The following TRPC5 variants were observed in gnomAD, a reference collection of about 807,000 sequenced individuals.
TRPC5 encodes short transient receptor potential channel 5.
Under a neutral mutation model 56.5 loss-of-function variants are expected in TRPC5, and 9 were observed. The observed-to-expected ratio is 0.16, with a 90% CI of 0.10 to 0.28. The LOEUF (loss-of-function observed/expected upper bound fraction) is 0.28, where lower values mean the gene tolerates loss of function less well. TRPC5 is among the 10% of genes least tolerant of loss of function. The pLI is 1.00. For synonymous variants in TRPC5, 282 were observed against 278.5 expected (o/e 1.01, Z -0.13); for missense variants, 469 against 748.9 (o/e 0.63, Z 4.36).
At chrX:111,882,447 G>A (rs969608522) in intron 3 of TRPC5, among the ~76,000 whole-genome samples, 1 of 112,370 alleles carries the variant, frequency 8.9e-6, no homozygotes, top group African/African-American at 3.2e-5. Flanking sequence ...GGAGCTGAGG[G>A]CTAGAGGTAG....
intron 7 of TRPC5, among the ~76,000 whole-genome samples, chrX:111,829,605 C>A (rs73266316): frequency 8.9e-6 from 1 of 112,021 alleles, no homozygotes; most frequent in Non-Finnish European, 1.9e-5. Context: ...GTTTTCCAGC[C>A]GATCTAGCCA....
chrX:111,955,714 C>A (rs1176958531), intron 1 of TRPC5, among the ~76,000 whole-genome samples: 1 of 111,748 alleles, frequency 8.9e-6, no homozygotes, highest in Non-Finnish European at 1.9e-5. Context: ...TCTCTGCATG[C>A]TTGCTGTTAG....
At chrX:111,851,960 G>T (rs1202584688) in intron 5 of TRPC5, among the ~76,000 whole-genome samples, 4 of 112,124 alleles carry the variant, frequency 3.6e-5, no homozygotes, top group Non-Finnish European at 7.5e-5. Flanking sequence ...AGTGAATTCA[G>T]TGAATTTTCT....
intron 7 of TRPC5, among the ~76,000 whole-genome samples, chrX:111,786,441 G>A (rs1222003364): frequency 9.0e-6 from 1 of 111,470 alleles, no homozygotes; most frequent in African/African-American, 3.3e-5. Flanking sequence ...GAAACAACCG[G>A]TACTAGCCAC....
chrX:112,014,508 C>A (rs893069580), intron 1 of TRPC5, among the ~76,000 whole-genome samples: 1 of 112,462 alleles, frequency 8.9e-6, no homozygotes, highest in East Asian at 2.8e-4. Context: ...AGCTTCTCTG[C>A]ATGTGCTCCT....
At chrX:111,804,959 A>C (rs1348016755) in intron 7 of TRPC5, among the ~76,000 whole-genome samples, 4 of 111,915 alleles carry the variant, frequency 3.6e-5, no homozygotes, top group Non-Finnish European at 5.6e-5. Context: ...CAGTTTTTGC[A>C]CTTTCAGAAT....
At chrX:111,858,985 G>C (rs1923318735) in intron 3 of TRPC5, among the ~76,000 whole-genome samples, 1 of 111,903 alleles carries the variant, frequency 8.9e-6, no homozygotes, top group Non-Finnish European at 1.9e-5. Flanking sequence ...AAGGGGCGAC[G>C]TGTTCTTTCT....
At chrX:111,974,851 T>C (rs1025512693) in intron 1 of TRPC5, among the ~76,000 whole-genome samples, 4 of 111,883 alleles carry the variant, frequency 3.6e-5, no homozygotes, top group African/African-American at 1.3e-4. Flanking sequence ...GTTTTTAAAA[T>C]AATTTACAAA....
intron 1 of TRPC5, among the ~76,000 whole-genome samples, chrX:112,079,754 GAT>G (rs1930918083): frequency 8.9e-6 from 1 of 111,834 alleles, no homozygotes; most frequent in Non-Finnish European, 1.9e-5. Flanking sequence ...AAGGATGGCA[GAT>G]ATCTGGTTCA....
At position 111,944,303 on chromosome X, in the gene TRPC5, T is replaced by TGTGTGTGAAAGAGAGA. The variant is rs1173179815; in HGVS notation, c.378+7739_378+7740insTCTCTCTTTCACACAC. Among the ~76,000 whole-genome samples, 208 of 61,360 alleles carry TGTGTGTGAAAGAGAGA rather than the reference T, an allele frequency of 3.4e-3. 1 individual carries two copies. The highest frequency in any genetic ancestry group is 0.02 in the African/African-American group (190 of 9,463). 53.3% of individuals were successfully genotyped at this position (61,360 alleles called of 115,157 possible). On this transcript the variant is annotated intron_variant, in intron 2 of 10. Transcript: ENST00000262839. ...GTGTGTGTGTGTGTGTGTGTGTGTG[T>TGTGTGTGAAAGAGAGA]GAGAGAGAGAGAGAGAGAGAGAGAG...
intron 6 of TRPC5, among the ~76,000 whole-genome samples, chrX:111,842,581 G>A (rs1257317905): frequency 1.8e-5 from 2 of 112,167 alleles, no homozygotes; most frequent in Non-Finnish European, 3.8e-5. Flanking sequence ...TTTTTTCAAC[G>A]CTTTGGATGG....
intron 1 of TRPC5, among the ~76,000 whole-genome samples, chrX:112,046,492 G>A (rs183513335): frequency 3.1e-3 from 347 of 110,928 alleles, no homozygotes; most frequent in African/African-American, 0.011. Context: ...TGCTCTCATA[G>A]TCACCAGGGT....
chrX:111,924,875 C>T (rs1926218128), intron 2 of TRPC5, among the ~76,000 whole-genome samples: 1 of 112,264 alleles, frequency 8.9e-6, no homozygotes, highest in African/African-American at 3.2e-5. Flanking sequence ...TGTGGCTATC[C>T]TTGATCTTTT....
At chrX:111,792,914 T>A (rs1946033924) in intron 7 of TRPC5, among the ~76,000 whole-genome samples, 1 of 111,782 alleles carries the variant, frequency 8.9e-6, no homozygotes, top group African/African-American at 3.3e-5. Flanking sequence ...GGACACCTGT[T>A]AGTACCACCT....
intron 7 of TRPC5, among the ~76,000 whole-genome samples, chrX:111,800,339 T>C (rs188326916): frequency 8.9e-6 from 1 of 112,224 alleles, no homozygotes; most frequent in African/African-American, 3.2e-5. Flanking sequence ...TTGTCTACCT[T>C]ACTTCATCAT....
At chrX:111,954,695 T>C (rs769912000) in intron 1 of TRPC5, among the ~76,000 whole-genome samples, 11 of 111,565 alleles carry the variant, frequency 9.9e-5, no homozygotes, top group Non-Finnish European at 1.7e-4. Flanking sequence ...TAGATGTCCT[T>C]TCAGATGGTG....
At chrX:111,902,232 T>C (rs773297987) in intron 3 of TRPC5, 2 of 857,444 alleles carry the variant, frequency 2.3e-6, no homozygotes, top group African/African-American at 4.1e-5. Context: ...ACTGATCATT[T>C]CTCTGTTTTA....
chrX:111,993,187 T>C (rs1256926429), intron 1 of TRPC5, among the ~76,000 whole-genome samples: 1 of 109,945 alleles, frequency 9.1e-6, no homozygotes, highest in Non-Finnish European at 1.9e-5. Flanking sequence ...TTGCTGAGAA[T>C]GATGGTTTCC....
intron 7 of TRPC5, among the ~76,000 whole-genome samples, chrX:111,816,570 G>A (rs1036034108): frequency 3.6e-5 from 4 of 111,955 alleles, no homozygotes; most frequent in African/African-American, 1.3e-4. Flanking sequence ...TAAAATTCAC[G>A]ATTTCTCATG....
Sources: gnomAD v4.1 joint callset for allele counts (sites outside exome capture counted in the v4.1 genomes callset) on GRCh38, gnomAD v4.1.1 for gene constraint, MANE v1.5 for transcripts, NCBI Gene and HGNC (gene_info 2026-07-23, HGNC 2026-07-21) for gene names.